Variants in ACACA observed in about 807,000 individuals in gnomAD.
ACACA encodes acetyl-CoA carboxylase 1.
Under a neutral mutation model 296.1 loss-of-function variants are expected in ACACA, and 103 were observed. The observed-to-expected ratio is 0.35, with a 90% CI of 0.30 to 0.41. The LOEUF (loss-of-function observed/expected upper bound fraction) is 0.41, where lower values mean the gene tolerates loss of function less well. Ranked by LOEUF, ACACA falls within the 10% of genes least tolerant of loss-of-function variation. ACACA has a pLI of 1.00. For synonymous variants in ACACA, 953 were observed against 1,038.6 expected (o/e 0.92, Z 1.58); for missense variants, 1,554 against 2,989.7 (o/e 0.52, Z 11.20).
At chr17:37,352,036 T>G (rs528877631) in intron 1 of ACACA, among the ~76,000 whole-genome samples, 7 of 150,992 alleles carry the variant, frequency 4.6e-5, no homozygotes, top group Non-Finnish European at 4.4e-5. Context: ...GTTCATGCCA[T>G]TCTCCTGCCT....
chr17:37,206,923 C>T (rs1221858642), intron 31 of ACACA, 44 bp from the exon 32 acceptor site: 11 of 1,493,198 alleles, frequency 7.4e-6, no homozygotes, highest in Non-Finnish European at 9.3e-7. Flanking sequence ...ACTCAAGTGG[C>T]ATGAAACTAA....
intron 1 of ACACA, among the ~76,000 whole-genome samples, chr17:37,361,707 G>T (rs903753313): frequency 6.6e-6 from 1 of 152,158 alleles, no homozygotes; most frequent in Non-Finnish European, 1.5e-5. Flanking sequence ...ACGGTGTTTG[G>T]TGCATGCCAC....
rs371863753 is a variant in ACACA, at chr17:37,334,927, T to C, written c.86-4502A>G. ...ATAACTCTGCCACTCTTTGCATGCA[T>C]GCAAATACTCATTATTGGACAGGAA... is the stretch of plus-strand genomic sequence containing the variant. On this transcript the variant is annotated intron_variant, in intron 2 of 55. Transcript: ENST00000616317. 7.2e-4 allele frequency among the ~76,000 whole-genome samples: 110 copies of C among 152,274 alleles called. 1 individual carries two copies. The Middle Eastern group carries it at 0.014, about 19-fold the overall frequency.
chr17:37,291,143 T>TAC (rs71159701), intron 3 of ACACA, among the ~76,000 whole-genome samples: 4,974 of 136,904 alleles, frequency 0.036, 118 homozygotes, highest in African/African-American at 0.062. Context: ...GAAAAACACA[T>TAC]ACACACACAC....
At chr17:37,305,788 C>T (rs1202463102) in intron 3 of ACACA, among the ~76,000 whole-genome samples, 1 of 152,146 alleles carries the variant, frequency 6.6e-6, no homozygotes, top group Admixed American at 6.5e-5. Context: ...CATGGTCTAC[C>T]CACACTGGTA....
chr17:37,245,967 C>A (rs895377236), intron 19 of ACACA, among the ~76,000 whole-genome samples: 1 of 152,184 alleles, frequency 6.6e-6, no homozygotes, highest in Non-Finnish European at 1.5e-5. Flanking sequence ...GCCACACCAA[C>A]ACATACTTGC....
intron 1 of ACACA, among the ~76,000 whole-genome samples, chr17:37,354,259 A>C (rs1018929125): frequency 6.6e-6 from 1 of 152,250 alleles, no homozygotes; most frequent in African/African-American, 2.4e-5. Flanking sequence ...GCATGCTAAA[A>C]GGATGGAATG....
At position 37,085,570 on chromosome 17, in the gene ACACA, G is replaced by T; in HGVS notation, c.*1746C>A. 2.5e-6 allele frequency: 1 copy of T among 398,674 alleles called. No individual in the cohort carries two copies. The highest frequency in any genetic ancestry group is 1.3e-4 in the South Asian group (1 of 7,808). 24.7% of individuals were successfully genotyped at this position (398,674 alleles called of 1,614,324 possible). A position where few individuals can be genotyped will look rare whatever the true frequency, so the allele number is the denominator to read the frequency against. On this transcript the variant is annotated 3_prime_UTR_variant, in exon 56 of 56. Coordinates refer to ENST00000616317, the MANE Select transcript of ACACA (RefSeq NM_198834.3). Reference sequence around the variant, plus strand: ...CAGCAATGGTCAATGCATTTTCCTGGACTGAGAATTGTCCCCCACCACTTT... The same window carrying T: ...CAGCAATGGTCAATGCATTTTCCTGTACTGAGAATTGTCCCCCACCACTTT...
chr17:37,390,333 T>TATATAA, intron 1 of ACACA, among the ~76,000 whole-genome samples: 1 of 92,144 alleles, frequency 1.1e-5, no homozygotes, highest in South Asian at 3.2e-4. Flanking sequence ...TATATATATA[T>TATATAA]AAAAGGCCAG....
At chr17:37,221,368 T>C in intron 29 of ACACA, 2 of 327,926 alleles carry the variant, frequency 6.1e-6, no homozygotes, top group Non-Finnish European at 1.2e-5. Context: ...AAGTATTTTT[T>C]TGGTCTAATT....
At chr17:37,161,377 G>GAGAGAC (rs938893197) in intron 42 of ACACA, among the ~76,000 whole-genome samples, 66 of 152,290 alleles carry the variant, frequency 4.3e-4, no homozygotes, top group African/African-American at 1.5e-3. Flanking sequence ...ATCTTTAGAG[G>GAGAGAC]AGAGACAGAT....
At chr17:37,111,693 G>T in intron 51 of ACACA, 50 bp from the exon 52 acceptor site, 1 of 1,389,296 alleles carries the variant, frequency 7.2e-7, no homozygotes, top group Non-Finnish European at 1.0e-6. Flanking sequence ...GCACTTTAAA[G>T]GAAGGAGACA....
At chr17:37,354,592 A>G (rs1251124449) in intron 1 of ACACA, among the ~76,000 whole-genome samples, 1 of 152,212 alleles carries the variant, frequency 6.6e-6, no homozygotes, top group Non-Finnish European at 1.5e-5. Context: ...ATAGTCCATT[A>G]GATTCAAGCG....
At chr17:37,196,191 C>A (rs1183319604) in intron 35 of ACACA, among the ~76,000 whole-genome samples, 1 of 152,004 alleles carries the variant, frequency 6.6e-6, no homozygotes, top group East Asian at 1.9e-4. Flanking sequence ...CCTCAACATG[C>A]TGAGAACTAA....
intron 1 of ACACA, among the ~76,000 whole-genome samples, chr17:37,394,089 C>T (rs924668873): frequency 1.3e-5 from 2 of 152,142 alleles, no homozygotes; most frequent in Non-Finnish European, 2.9e-5. Flanking sequence ...CTGCAGATCA[C>T]TTCAGAGCTG....
chr17:37,362,703 G>C (rs1259000281), intron 1 of ACACA, among the ~76,000 whole-genome samples: 2 of 152,156 alleles, frequency 1.3e-5, no homozygotes, highest in Non-Finnish European at 2.9e-5. Context: ...AGGCGCGGTG[G>C]CTCACGCCTG....
intron 3 of ACACA, among the ~76,000 whole-genome samples, chr17:37,313,201 A>AAT (rs1048348605): frequency 4.1e-4 from 62 of 152,234 alleles, no homozygotes; most frequent in African/African-American, 1.4e-3. Flanking sequence ...TACTGGGCTT[A>AAT]ATACCAAGGT....
At chr17:37,359,420 C>T (rs1037509014) in intron 1 of ACACA, among the ~76,000 whole-genome samples, 8 of 151,436 alleles carry the variant, frequency 5.3e-5, no homozygotes, top group Non-Finnish European at 1.2e-4. Flanking sequence ...GGGCGGGCCG[C>T]GGGCGGGCCG....
At chr17:37,339,618 A>C (rs2048292947) in intron 2 of ACACA, among the ~76,000 whole-genome samples, 186 bp downstream of exon 2, 1 of 152,250 alleles carries the variant, frequency 6.6e-6, no homozygotes, top group Admixed American at 6.5e-5. Flanking sequence ...CTAGTCCTGA[A>C]TTAAAGAGAG....
Sources: gnomAD v4.1 joint callset for allele counts (sites outside exome capture counted in the v4.1 genomes callset) on GRCh38, gnomAD v4.1.1 for gene constraint, MANE v1.5 for transcripts, NCBI Gene and HGNC (gene_info 2026-07-23, HGNC 2026-07-21) for gene names.